The following EBF1 variants were observed in gnomAD, a reference collection of about 807,000 sequenced individuals.
EBF1 encodes the protein EBF transcription factor 1.
EBF1 carries 10 observed loss-of-function variants against 68.4 expected under a neutral mutation model. That is an observed-to-expected ratio of 0.15 (90% CI 0.09 to 0.25). The LOEUF is 0.25. EBF1 is among the 10% of genes least tolerant of loss of function. The pLI is 1.00. For missense variants in EBF1, 509 were observed against 794.4 expected (o/e 0.64, Z 4.32); for synonymous variants, 298 against 299.8 (o/e 0.99, Z 0.06).
chr5:159,056,385 C>T (rs755422523), intron 6 of EBF1, among the ~76,000 whole-genome samples: 1 of 152,060 alleles, frequency 6.6e-6, no homozygotes, highest in Non-Finnish European at 1.5e-5. Context: ...TTGCCCCATA[C>T]TCTGAAACAG....
chr5:158,846,977 T>G (rs770321878), intron 6 of EBF1, among the ~76,000 whole-genome samples: 1 of 152,114 alleles, frequency 6.6e-6, no homozygotes, highest in Non-Finnish European at 1.5e-5. Flanking sequence ...CTCCCTGCAG[T>G]GGAGGGTGGA....
chr5:158,823,541 A>T (rs1321046351), intron 7 of EBF1, among the ~76,000 whole-genome samples: 1 of 152,224 alleles, frequency 6.6e-6, no homozygotes, highest in African/African-American at 2.4e-5. Flanking sequence ...TGCACAGTTT[A>T]TAGTTATACA....
intron 7 of EBF1, among the ~76,000 whole-genome samples, chr5:158,831,573 T>C (rs1353041765): frequency 2.0e-5 from 3 of 152,160 alleles, no homozygotes; most frequent in Non-Finnish European, 4.4e-5. Flanking sequence ...AAATAAAATA[T>C]CTTCCACCTA....
At chr5:158,740,101 C>T (rs1358814153) in intron 10 of EBF1, among the ~76,000 whole-genome samples, 2 of 152,166 alleles carry the variant, frequency 1.3e-5, no homozygotes, top group African/African-American at 4.8e-5. Context: ...GGAACTTGAA[C>T]ACGCACCAGG....
At chr5:159,091,611 A>G (rs1012525146) in intron 4 of EBF1, among the ~76,000 whole-genome samples, 1 of 152,230 alleles carries the variant, frequency 6.6e-6, no homozygotes, top group African/African-American at 2.4e-5. Context: ...TTATCTACCA[A>G]TGAAGAACCA....
chr5:158,840,645 G>T (rs1234167740), intron 6 of EBF1, among the ~76,000 whole-genome samples: 114 of 64,674 alleles, frequency 1.8e-3, no homozygotes, highest in Admixed American at 2.3e-3. Flanking sequence ...AATACCTCCT[G>T]TTTTTTTTTT....
chr5:159,002,729 G>A (rs976463280), intron 6 of EBF1, among the ~76,000 whole-genome samples: 2 of 152,178 alleles, frequency 1.3e-5, no homozygotes, highest in Admixed American at 1.3e-4. Flanking sequence ...ACCTAAAATT[G>A]TACTTGAAAG....
chr5:159,098,550 AAGGAGAAAG>A (rs1401263448), intron 1 of EBF1, among the ~76,000 whole-genome samples: 2 of 152,142 alleles, frequency 1.3e-5, no homozygotes, highest in South Asian at 2.1e-4. Context: ...GAGGTAAGGA[AAGGAGAAAG>A]AGGAGAAAGG....
chr5:158,699,102 G>A lies in EBF1; in HGVS notation c.*9C>T. On this transcript the variant is annotated 3_prime_UTR_variant, in exon 16 of 16. Transcript: ENST00000313708. Reference sequence around the variant, plus strand: ...CTCTTCATTAATACAATTCTTCAAGGCAATTCTTTCACATAGGAGGAACAA... The same window carrying A: ...CTCTTCATTAATACAATTCTTCAAGACAATTCTTTCACATAGGAGGAACAA... The A allele has an allele frequency of 6.2e-7, 1 of 1,604,858 alleles. No homozygotes were observed. The highest frequency in any genetic ancestry group is 8.5e-7 in the Non-Finnish European group (1 of 1,175,948).
chr5:158,940,798 G>A (rs577241531), intron 6 of EBF1, among the ~76,000 whole-genome samples: 10 of 93,692 alleles, frequency 1.1e-4, no homozygotes, highest in Non-Finnish European at 2.2e-4. Context: ...AATGGAGGAT[G>A]GACTCCAATG....
chr5:158,911,247 A>G (rs1805903495), intron 6 of EBF1, among the ~76,000 whole-genome samples: 1 of 152,120 alleles, frequency 6.6e-6, no homozygotes, highest in Non-Finnish European at 1.5e-5. Flanking sequence ...AAATGCTTAG[A>G]CCTTCTTCAG....
chr5:158,906,612 C>A (rs982158253), intron 6 of EBF1, among the ~76,000 whole-genome samples: 1 of 152,138 alleles, frequency 6.6e-6, no homozygotes, highest in Admixed American at 6.5e-5. Flanking sequence ...AATTTTGACA[C>A]CACCTCTGTG....
rs538653034 is a variant in EBF1, at chr5:158,923,036, G to T, written c.555-82926C>A. On this transcript the variant is annotated intron_variant, in intron 6 of 15. Transcript: ENST00000313708. The stretch of plus-strand genomic sequence containing the variant: ...CCAATTAGGTGGTCTATTAGCAGGA[G>T]GGGCGATTTGAACGCAGAAAGCCCC... Among the ~76,000 whole-genome samples the T allele has an allele frequency of 2.6e-5, 4 of 152,314 alleles. No individual in the cohort carries two copies. In the East Asian group the frequency reaches 7.7e-4, roughly 29 times the overall value.
intron 11 of EBF1, among the ~76,000 whole-genome samples, chr5:158,722,379 G>C (rs952314869): frequency 3.3e-5 from 5 of 152,174 alleles, no homozygotes; most frequent in Admixed American, 3.3e-4. Flanking sequence ...TTTTGGCTGT[G>C]GCTTCTTTCC....
At chr5:158,990,064 G>T (rs1759985032) in intron 6 of EBF1, among the ~76,000 whole-genome samples, 1 of 152,218 alleles carries the variant, frequency 6.6e-6, no homozygotes, top group Non-Finnish European at 1.5e-5. Flanking sequence ...GGATCAGGAA[G>T]CTTCAAAGAG....
chr5:158,766,882 A>G (rs767937392), intron 10 of EBF1, among the ~76,000 whole-genome samples: 1 of 152,154 alleles, frequency 6.6e-6, no homozygotes, highest in African/African-American at 2.4e-5. Flanking sequence ...TTCTTTGAAT[A>G]CCCTTGAATA....
intron 8 of EBF1, among the ~76,000 whole-genome samples, chr5:158,822,255 T>C (rs952556804): frequency 5.3e-5 from 6 of 114,026 alleles, no homozygotes; most frequent in African/African-American, 2.0e-4. Context: ...CATTCTTGGA[T>C]GGACGGATGG....
At chr5:159,043,585 C>T (rs1052862688) in intron 6 of EBF1, among the ~76,000 whole-genome samples, 3 of 152,070 alleles carry the variant, frequency 2.0e-5, no homozygotes, top group African/African-American at 7.2e-5. Flanking sequence ...ATTATTCTAG[C>T]CAGATCTGAT....
intron 6 of EBF1, among the ~76,000 whole-genome samples, chr5:158,872,134 G>T (rs764243851): frequency 1.3e-5 from 2 of 151,994 alleles, no homozygotes; most frequent in African/African-American, 2.4e-5. Flanking sequence ...ATGGTCTTAA[G>T]CTTCCCTCTG....
Sources: gnomAD v4.1 joint callset for allele counts (sites outside exome capture counted in the v4.1 genomes callset) on GRCh38, gnomAD v4.1.1 for gene constraint, MANE v1.5 for transcripts, NCBI Gene and HGNC (gene_info 2026-07-23, HGNC 2026-07-21) for gene names.